Variants in ATAD1 observed in about 807,000 individuals in gnomAD.
ATAD1 encodes outer mitochondrial transmembrane helix translocase.
ATAD1 carries 18 observed loss-of-function variants against 42.7 expected under a neutral mutation model. The observed-to-expected ratio is 0.42, with a 90% CI of 0.29 to 0.63. The LOEUF (loss-of-function observed/expected upper bound fraction) is 0.63. Ranked by LOEUF, ATAD1 falls within the 20% of genes least tolerant of loss-of-function variation. The pLI, the probability that ATAD1 is intolerant of heterozygous loss-of-function variation, is 0.19. For synonymous variants in ATAD1, 132 were observed against 143.1 expected, an observed-to-expected ratio of 0.92 and a Z score of 0.55; for missense variants, 294 against 440.4, an observed-to-expected ratio of 0.67 and a Z score of 2.98.
chr10:87,803,081 CAT>C (rs1309704118), intron 2 of ATAD1, among the ~76,000 whole-genome samples: 2 of 152,188 alleles, frequency 1.3e-5, no homozygotes, highest in African/African-American at 4.8e-5. Flanking sequence ...TGCCTACTGA[CAT>C]ATGGACTTCA....
At chr10:87,778,174 AAATT>A (rs1308369623) in intron 5 of ATAD1, among the ~76,000 whole-genome samples, 1 of 141,606 alleles carries the variant, frequency 7.1e-6, no homozygotes, top group African/African-American at 2.7e-5. Flanking sequence ...ATATTAGAAT[AAATT>A]AAAAAAAAAA....
chr10:87,838,461 CAAAA>C (rs770282016), intron 1 of ATAD1, among the ~76,000 whole-genome samples: 2,020 of 42,302 alleles, frequency 0.048, 17 homozygotes, highest in Middle Eastern at 0.11. Flanking sequence ...GACTCTATCT[CAAAA>C]AAAAAAAAAA....
chr10:87,800,398 T>G (rs1314688491), intron 2 of ATAD1, among the ~76,000 whole-genome samples: 1 of 152,158 alleles, frequency 6.6e-6, no homozygotes, highest in Non-Finnish European at 1.5e-5. Flanking sequence ...TCATATTAAG[T>G]TTTTTTCCTC....
chr10:87,756,904 G>C lies in ATAD1; in HGVS notation c.850C>G (p.Leu284Val). ...KNENVDRHVD[L>V]LEVAQETDGF... Reference sequence around the variant, plus strand: ...TCAGTTTCCTGGGCAACTTCTAGCAGGTCTACATGCCTATCCACCTTAAAC... The same window carrying C: ...TCAGTTTCCTGGGCAACTTCTAGCACGTCTACATGCCTATCCACCTTAAAC... Residue 284 changes from leucine (L) to valine (V), a missense_variant, in exon 9 of 10, where the codon CTG becomes GTG. By Grantham distance (32) the Leu-to-Val change is conservative (BLOSUM62 1). Coordinates refer to ENST00000680024, the MANE Select transcript of ATAD1 (RefSeq NM_001321967.2). 6.2e-7 allele frequency: 1 copy of C among 1,607,308 alleles called. No individual in the cohort carries two copies. The highest frequency in any genetic ancestry group is 8.5e-7 in the Non-Finnish European group (1 of 1,177,610).
At chr10:87,822,448 C>G (rs2090388476), upstream of ATAD1, among the ~76,000 whole-genome samples, 2 of 152,036 alleles carry the variant, frequency 1.3e-5, no homozygotes, top group African/African-American at 4.8e-5. Flanking sequence ...ACTATTCAGC[C>G]ATTTAAAAAA....
At chr10:87,815,201 A>C (rs1180933700) in intron 1 of ATAD1, among the ~76,000 whole-genome samples, 1 of 152,112 alleles carries the variant, frequency 6.6e-6, no homozygotes, top group African/African-American at 2.4e-5. Context: ...AACCGGGCTA[A>C]GTAGGAAGCA....
chr10:87,826,165 A>G (rs971386293), intron 1 of ATAD1, among the ~76,000 whole-genome samples: 9 of 152,150 alleles, frequency 5.9e-5, no homozygotes, highest in Non-Finnish European at 1.2e-4. Context: ...AGCAGCAGCA[A>G]CAACAACAAC....
intron 7 of ATAD1, among the ~76,000 whole-genome samples, chr10:87,769,561 T>G (rs1013192283): frequency 1.3e-5 from 2 of 152,208 alleles, no homozygotes; most frequent in Admixed American, 1.3e-4. Flanking sequence ...TTTCTGTGTC[T>G]GCCTCTCCAA....
intron 4 of ATAD1, 128 bp downstream of exon 4, chr10:87,790,182 A>C: frequency 9.5e-7 from 1 of 1,051,130 alleles, no homozygotes; most frequent in Non-Finnish European, 1.3e-6. Flanking sequence ...TATTTTAAGA[A>C]ACTGTTCACA....
rs1439317642 is a variant in ATAD1, at chr10:87,829,227, T to TTTA, written c.-14+11957_-14+11959dup. Among the ~76,000 whole-genome samples the TTTA allele has an allele frequency of 3.4e-3, 436 of 129,740 alleles. 2 individuals carry two copies. The highest frequency in any genetic ancestry group is 0.011 in the African/African-American group (397 of 36,660). 85.1% of individuals were successfully genotyped at this position (129,740 alleles called of 152,430 possible). On this transcript the variant is annotated intron_variant, in intron 1 of 4. Transcript: ENST00000495903. ...AGAAACTTCTGGAGGGATTCATTAT[T>TTTA]TTATTTATTATTTATTTATTTATTT...
At chr10:87,813,693 T>C (rs1330907202) in intron 2 of ATAD1, among the ~76,000 whole-genome samples, 1 of 152,026 alleles carries the variant, frequency 6.6e-6, no homozygotes, top group African/African-American at 2.4e-5. Context: ...ATTGAATAAA[T>C]CTGTCACAAC....
chr10:87,809,796 G>A (rs1436016145), intron 2 of ATAD1, among the ~76,000 whole-genome samples: 1 of 151,842 alleles, frequency 6.6e-6, no homozygotes, highest in African/African-American at 2.4e-5. Flanking sequence ...ACAGGAACAT[G>A]CCACCACGCC....
intron 5 of ATAD1, among the ~76,000 whole-genome samples, chr10:87,781,511 T>G (rs1161375647): frequency 6.6e-6 from 1 of 152,226 alleles, no homozygotes; most frequent in African/African-American, 2.4e-5. Flanking sequence ...TGCTGCCAAC[T>G]CAATTGTAAC....
At position 87,829,348 on chromosome 10, in the gene ATAD1, C is replaced by T. The variant is rs180814588; in HGVS notation, c.-14+11839G>A. Among the ~76,000 whole-genome samples the T allele has an allele frequency of 4.9e-3, 741 of 151,898 alleles. 8 individuals carry two copies. Among genetic ancestry groups the T allele is most frequent in the African/African-American group, 0.016 (652 of 41,418 alleles). ...TTGGCTCACTGCAACCTCTTCCTCC[C>T]GGGTTCAAGCAATTCTCCTGCCTCA... On this transcript the variant is annotated intron_variant, in intron 1 of 4. Transcript: ENST00000495903.
upstream of ATAD1, among the ~76,000 whole-genome samples, chr10:87,820,096 A>AAAC (rs764228471): frequency 3.5e-4 from 54 of 152,224 alleles, no homozygotes; most frequent in Admixed American, 2.0e-3. Context: ...CATTAAAAAC[A>AAAC]AACAACAACA....
At chr10:87,834,245 G>GT (rs1403087155) in intron 1 of ATAD1, among the ~76,000 whole-genome samples, 2 of 152,058 alleles carry the variant, frequency 1.3e-5, no homozygotes, top group South Asian at 2.1e-4. Context: ...ATATTGTATG[G>GT]TTTTTTCTTG....
intron 4 of ATAD1, among the ~76,000 whole-genome samples, chr10:87,787,520 G>T (rs1002959774): frequency 2.6e-5 from 4 of 152,132 alleles, no homozygotes; most frequent in African/African-American, 9.7e-5. Flanking sequence ...TCAGGACCCA[G>T]AGGCAGGAGG....
intron 1 of ATAD1, among the ~76,000 whole-genome samples, chr10:87,825,878 AT>A (rs918635801): frequency 6.6e-6 from 1 of 151,952 alleles, no homozygotes; most frequent in Admixed American, 6.6e-5. Flanking sequence ...AGTACAACAC[AT>A]TTTTTTGTTT....
intron 5 of ATAD1, among the ~76,000 whole-genome samples, chr10:87,780,304 G>T (rs1248449735): frequency 6.6e-6 from 1 of 152,118 alleles, no homozygotes; most frequent in African/African-American, 2.4e-5. Context: ...TAGCAGTTTG[G>T]GAGGAAAAGG....
Sources: gnomAD v4.1 joint callset for allele counts (sites outside exome capture counted in the v4.1 genomes callset) on GRCh38, gnomAD v4.1.1 for gene constraint, MANE v1.5 for transcripts, NCBI Gene and HGNC (gene_info 2026-07-23, HGNC 2026-07-21) for gene names.